The following CTIF variants were observed in gnomAD, a reference collection of about 807,000 sequenced individuals.
The protein encoded by CTIF is cap binding complex dependent translation initiation factor.
In CTIF, 21 loss-of-function variants were observed where a neutral mutation model predicts 66.0. The ratio of observed to expected loss-of-function variants is 0.32; its 90% CI spans 0.23 to 0.46. CTIF has a LOEUF of 0.46. Ranked by LOEUF, CTIF falls within the 20% of genes least tolerant of loss-of-function variation. The pLI is 1.00. For synonymous variants in CTIF, 345 were observed against 326.4 expected (o/e 1.06, Z -0.62); for missense variants, 739 against 812.7 (o/e 0.91, Z 1.10).
intron 3 of CTIF, among the ~76,000 whole-genome samples, chr18:48,658,361 A>G (rs2091279917): frequency 6.6e-6 from 1 of 152,018 alleles, no homozygotes; most frequent in African/African-American, 2.4e-5. Context: ...TGATGTGCAC[A>G]TATAGTTGTA....
At chr18:48,665,958 T>C (rs1168544358) in intron 5 of CTIF, among the ~76,000 whole-genome samples, 1 of 152,244 alleles carries the variant, frequency 6.6e-6, no homozygotes, top group Non-Finnish European at 1.5e-5. Flanking sequence ...TTGTAATTAC[T>C]TGGGTGTATA....
intron 9 of CTIF, among the ~76,000 whole-genome samples, chr18:48,762,520 G>C (rs1909105751): frequency 6.6e-6 from 1 of 152,236 alleles, no homozygotes; most frequent in Non-Finnish European, 1.5e-5. Context: ...TGTCCTTGGA[G>C]ACTCTTGGCT....
At chr18:48,735,997 G>A (rs917017415) in intron 7 of CTIF, among the ~76,000 whole-genome samples, 2 of 152,144 alleles carry the variant, frequency 1.3e-5, no homozygotes, top group South Asian at 2.1e-4. Context: ...GGATGGCCCC[G>A]TTCCTGGGAA....
At chr18:48,595,801 C>A (rs1173116531) in intron 1 of CTIF, among the ~76,000 whole-genome samples, 4 of 152,146 alleles carry the variant, frequency 2.6e-5, no homozygotes, top group African/African-American at 4.8e-5. Flanking sequence ...TCCGAGGCTG[C>A]AATCAAGGTG....
intron 1 of CTIF, among the ~76,000 whole-genome samples, chr18:48,540,765 G>C (rs2088591833): frequency 6.6e-6 from 1 of 152,108 alleles, no homozygotes; most frequent in African/African-American, 2.4e-5. Context: ...GCGGCGTAGT[G>C]GGGACAAGCG....
chr18:48,772,197 A>G (rs1910208896), intron 9 of CTIF, among the ~76,000 whole-genome samples: 1 of 152,224 alleles, frequency 6.6e-6, no homozygotes, highest in African/African-American at 2.4e-5. Flanking sequence ...GGCCTGCCCC[A>G]GTATTATAGC....
intron 3 of CTIF, among the ~76,000 whole-genome samples, chr18:48,651,582 C>T (rs2091156881): frequency 6.6e-6 from 1 of 152,134 alleles, no homozygotes; most frequent in South Asian, 2.1e-4. Flanking sequence ...ACAAGGATAT[C>T]CAGGACTTGA....
chr18:48,563,629 A>G (rs1308024776), intron 1 of CTIF, among the ~76,000 whole-genome samples: 2 of 152,092 alleles, frequency 1.3e-5, no homozygotes, highest in East Asian at 3.9e-4. Context: ...ACACCACCAC[A>G]CCTGGCTAAT....
rs553706027 is a variant in CTIF, at chr18:48,654,327, G to A, written c.253-9425G>A. Among the ~76,000 whole-genome samples the A allele has an allele frequency of 3.6e-4, 55 of 152,194 alleles. 1 individual carries two copies. Among genetic ancestry groups the A allele is most frequent in the African/African-American group, 1.1e-3 (44 of 41,526 alleles). Reference sequence around the variant, plus strand: ...AAATGGGCAAAGGATATGAACAGACGCTTCTCAAAAGAAGATATTTATGCA... The same window carrying A: ...AAATGGGCAAAGGATATGAACAGACACTTCTCAAAAGAAGATATTTATGCA... On this transcript the variant is annotated intron_variant, in intron 3 of 11. Transcript: ENST00000256413.
intron 10 of CTIF, among the ~76,000 whole-genome samples, chr18:48,836,600 T>C (rs925380983): frequency 2.6e-5 from 4 of 152,214 alleles, no homozygotes; most frequent in African/African-American, 9.6e-5. Flanking sequence ...CCCCCTGGAC[T>C]GCCAGCACCT....
chr18:48,652,528 G>A (rs1283781979), intron 3 of CTIF, among the ~76,000 whole-genome samples: 2 of 152,316 alleles, frequency 1.3e-5, no homozygotes, highest in East Asian at 3.9e-4. Context: ...GGGCCAGACA[G>A]ATTCACAGCT....
intron 11 of CTIF, among the ~76,000 whole-genome samples, chr18:48,858,317 CCAGATGG>C (rs1392502229): frequency 6.6e-6 from 1 of 152,216 alleles, no homozygotes; most frequent in Non-Finnish European, 1.5e-5. Flanking sequence ...GCACTGGGAG[CCAGATGG>C]CAGTCTTGGG....
At position 48,860,725 on chromosome 18, in the gene CTIF, C is replaced by T. The variant is rs1371619003; in HGVS notation, c.*1166C>T. 6.6e-6 allele frequency: 1 copy of T among 152,340 alleles called. No homozygotes were observed. Among genetic ancestry groups the T allele is most frequent in the Non-Finnish European group, 1.5e-5 (1 of 68,120 alleles). The allele number at this position is 152,340 out of a possible 1,614,324, so 9.4% of individuals were successfully genotyped here. On this transcript the variant is annotated 3_prime_UTR_variant, in exon 12 of 12. Transcript: ENST00000256413. ...TTAGCTAATGCGCTGTGTCACTGCC[C>T]CAGCTCGGACGTAGAAGCCCAGCCC...
At chr18:48,544,110 C>A (rs985101837) in intron 1 of CTIF, among the ~76,000 whole-genome samples, 1 of 152,168 alleles carries the variant, frequency 6.6e-6, no homozygotes, top group Non-Finnish European at 1.5e-5. Flanking sequence ...CTACAGATTT[C>A]ATTTGATTCT....
At chr18:48,727,533 C>T (rs1322751744) in intron 7 of CTIF, among the ~76,000 whole-genome samples, 1 of 152,124 alleles carries the variant, frequency 6.6e-6, no homozygotes, top group African/African-American at 2.4e-5. Context: ...GTTGTGTTTC[C>T]ACTGAAATAA....
chr18:48,859,051 G>A (rs1044787948), intron 11 of CTIF, among the ~76,000 whole-genome samples: 7 of 152,152 alleles, frequency 4.6e-5, no homozygotes, highest in African/African-American at 1.7e-4. Context: ...GAGGCTCTTG[G>A]GTAAAAGGGA....
At chr18:48,663,945 G>A in intron 4 of CTIF, 120 bp downstream of exon 4, 1 of 912,520 alleles carries the variant, frequency 1.1e-6, no homozygotes, top group African/African-American at 1.6e-5. Context: ...CAGAGTAGGG[G>A]ATGTAGGAAG....
intron 3 of CTIF, among the ~76,000 whole-genome samples, chr18:48,640,896 G>T (rs999701020): frequency 6.6e-6 from 1 of 152,236 alleles, no homozygotes; most frequent in African/African-American, 2.4e-5. Flanking sequence ...GAAAGTGGGG[G>T]CAACCTAGAA....
At chr18:48,650,333 C>T (rs2091132817) in intron 3 of CTIF, among the ~76,000 whole-genome samples, 1 of 152,134 alleles carries the variant, frequency 6.6e-6, no homozygotes, top group African/African-American at 2.4e-5. Context: ...GTGACGCATG[C>T]ACAAGCTTTA....
Sources: gnomAD v4.1 joint callset for allele counts (sites outside exome capture counted in the v4.1 genomes callset) on GRCh38, gnomAD v4.1.1 for gene constraint, MANE v1.5 for transcripts, NCBI Gene and HGNC (gene_info 2026-07-23, HGNC 2026-07-21) for gene names.